Variants in SAXO1 observed in about 807,000 individuals in gnomAD.
SAXO1 encodes the protein 4930500O09Rik.
A neutral mutation model predicts 17.5 loss-of-function variants in SAXO1; 21 were observed. The observed-to-expected ratio is 1.20, with a 90% CI of 0.85 to 1.72. The LOEUF is 1.72. SAXO1 is among the 40% of genes most tolerant of loss of function. The pLI is 0.00. For synonymous variants in SAXO1, 274 were observed against 216.5 expected (o/e 1.27, Z -2.33); for missense variants, 843 against 596.0 (o/e 1.41, Z -4.32).
intron 1 of SAXO1, among the ~76,000 whole-genome samples, chr9:18,967,558 C>T (rs7025019): frequency 0.18 from 27,788 of 152,118 alleles, 5,352 homozygotes; most frequent in African/African-American, 0.49. Context: ...GGGAAAACTA[C>T]GTACTCAAGC....
rs780357419 is a variant in SAXO1, at chr9:18,941,621, C to G, written c.421+16G>C. 2.5e-6 allele frequency: 4 copies of G among 1,614,040 alleles called. No individual in the cohort carries two copies. The highest frequency in any genetic ancestry group is 3.3e-5 in the Admixed American group (2 of 60,026). On this transcript the variant is annotated intron_variant, in intron 3 of 3. Coordinates refer to ENST00000380534, the MANE Select transcript of SAXO1 (RefSeq NM_153707.4). ...AGCCTGTCTTTCCCCCAATCTGCCC[C>G]TCTGTGCTCTCCCACCTTTATAAGT...
intron 2 of SAXO1, among the ~76,000 whole-genome samples, chr9:18,942,543 C>T (rs1398429088): frequency 6.6e-6 from 1 of 152,218 alleles, no homozygotes; most frequent in African/African-American, 2.4e-5. Flanking sequence ...ACTTAGCCTA[C>T]AGAAAACCCA....
intron 2 of SAXO1, among the ~76,000 whole-genome samples, chr9:18,949,621 G>C (rs1831940586): frequency 6.6e-6 from 1 of 152,096 alleles, no homozygotes; most frequent in South Asian, 2.1e-4. Flanking sequence ...ACCCAGACTG[G>C]ACTTCCCGTG....
At chr9:18,996,770 G>C (rs1222533849) in intron 1 of SAXO1, among the ~76,000 whole-genome samples, 1 of 151,978 alleles carries the variant, frequency 6.6e-6, no homozygotes, top group Non-Finnish European at 1.5e-5. Flanking sequence ...TTTTCCCTAA[G>C]ATCAGAAACA....
intron 1 of SAXO1, among the ~76,000 whole-genome samples, chr9:19,029,707 C>G (rs945928763): frequency 2.0e-5 from 3 of 152,188 alleles, no homozygotes; most frequent in African/African-American, 7.2e-5. Context: ...ATGGGAGTGA[C>G]TATACTCGAG....
intron 1 of SAXO1, among the ~76,000 whole-genome samples, chr9:18,964,536 C>A (rs370795215): frequency 6.6e-6 from 1 of 152,120 alleles, no homozygotes; most frequent in Non-Finnish European, 1.5e-5. Flanking sequence ...TCCATTTCTT[C>A]TAGATTTTCT....
intron 1 of SAXO1, among the ~76,000 whole-genome samples, chr9:19,006,447 A>G (rs1182560794): frequency 6.6e-6 from 1 of 152,246 alleles, no homozygotes; most frequent in African/African-American, 2.4e-5. Context: ...AAAAAGAAAT[A>G]AAATTTGGAT....
intron 2 of SAXO1, among the ~76,000 whole-genome samples, chr9:18,942,333 G>T (rs10811068): frequency 0.28 from 42,391 of 151,962 alleles, 9,427 homozygotes; most frequent in African/African-American, 0.62. Context: ...GCTCCTGCCT[G>T]ACTCACCCTT....
chr9:18,967,606 G>A (rs146107962), intron 1 of SAXO1, among the ~76,000 whole-genome samples: 1,992 of 152,262 alleles, frequency 0.013, 44 homozygotes, highest in African/African-American at 0.045. Flanking sequence ...AACCAAGCTC[G>A]AGTGTCCCAG....
At chr9:19,024,574 C>T (rs1187196556) in intron 1 of SAXO1, among the ~76,000 whole-genome samples, 1 of 152,020 alleles carries the variant, frequency 6.6e-6, no homozygotes, top group Admixed American at 6.6e-5. Context: ...GCACATGTAC[C>T]CTAAAACTTA....
At chr9:19,019,491 G>A (rs942106256) in intron 1 of SAXO1, among the ~76,000 whole-genome samples, 4 of 152,232 alleles carry the variant, frequency 2.6e-5, no homozygotes, top group Admixed American at 1.3e-4. Flanking sequence ...CACTTTGGGA[G>A]GCCAAGGCAG....
chr9:18,932,988 C>T lies in SAXO1; in HGVS notation c.422-3933G>A, dbSNP rs193122766. ...AGAATAAAGACAGCTTCGCATTTTC[C>T]TTTTGAGCCTAGATACATTTACTTG... is the stretch of plus-strand genomic sequence containing the variant. On this transcript the variant is annotated intron_variant, in intron 3 of 3. Coordinates refer to ENST00000380534, the MANE Select transcript of SAXO1 (RefSeq NM_153707.4). 1.7e-3 allele frequency among the ~76,000 whole-genome samples: 265 copies of T among 152,290 alleles called. 1 individual carries two copies. Among genetic ancestry groups the T allele is most frequent in the African/African-American group, 6.2e-3 (257 of 41,556 alleles).
intron 1 of SAXO1, among the ~76,000 whole-genome samples, chr9:18,971,844 T>C (rs1353172836): frequency 1.3e-5 from 2 of 152,220 alleles, no homozygotes; most frequent in Non-Finnish European, 2.9e-5. Context: ...AATTTACAGA[T>C]AGTGTAAAAC....
chr9:18,992,430 C>T (rs1272086405), intron 1 of SAXO1, among the ~76,000 whole-genome samples: 2 of 152,208 alleles, frequency 1.3e-5, no homozygotes. Context: ...AAGGATGCTA[C>T]TCATGCTGGA....
chr9:19,021,992 C>G (rs998805907), intron 1 of SAXO1, among the ~76,000 whole-genome samples: 2 of 152,226 alleles, frequency 1.3e-5, no homozygotes, highest in Non-Finnish European at 2.9e-5. Context: ...GGGTCGGGTC[C>G]CCTTCCCCAT....
chr9:18,943,096 G>A (rs1293998800), intron 2 of SAXO1, among the ~76,000 whole-genome samples: 6 of 152,304 alleles, frequency 3.9e-5, no homozygotes, highest in South Asian at 2.1e-4. Context: ...CCTGTCTTGC[G>A]TGAATTATAC....
At chr9:18,971,434 C>T (rs1005303895) in intron 1 of SAXO1, among the ~76,000 whole-genome samples, 1 of 152,016 alleles carries the variant, frequency 6.6e-6, no homozygotes, top group Admixed American at 6.6e-5. Context: ...AGCCAAATCC[C>T]CTATAATGTC....
At chr9:19,003,455 A>G (rs1364747955) in intron 1 of SAXO1, among the ~76,000 whole-genome samples, 1 of 152,214 alleles carries the variant, frequency 6.6e-6, no homozygotes, top group East Asian at 1.9e-4. Context: ...AAGCAAAAAG[A>G]ACAAAGCTGG....
chr9:18,982,232 G>A (rs1833418768), intron 1 of SAXO1, among the ~76,000 whole-genome samples: 1 of 152,168 alleles, frequency 6.6e-6, no homozygotes, highest in Admixed American at 6.5e-5. Context: ...TAGAGATAAT[G>A]CAAACCCATT....
Sources: gnomAD v4.1 joint callset for allele counts (sites outside exome capture counted in the v4.1 genomes callset) on GRCh38, gnomAD v4.1.1 for gene constraint, MANE v1.5 for transcripts, NCBI Gene and HGNC (gene_info 2026-07-23, HGNC 2026-07-21) for gene names.